The following FOXP1 variants were observed in gnomAD, a reference collection of about 807,000 sequenced individuals.
The protein encoded by FOXP1 is forkhead box P1.
A neutral mutation model predicts 98.2 loss-of-function variants in FOXP1; 15 were observed. The ratio of observed to expected loss-of-function variants is 0.15; its 90% CI spans 0.10 to 0.24. The LOEUF is 0.24. Among genes scored for constraint, FOXP1 ranks in the 10% least tolerant of loss-of-function variants. The probability of loss-of-function intolerance (pLI) is 1.00; values close to 1 mark genes in which losing one functional copy is unlikely to be tolerated. For synonymous variants in FOXP1, 371 were observed against 314.5 expected, an observed-to-expected ratio of 1.18 and a Z score of -1.90; for missense variants, 633 against 848.5, an observed-to-expected ratio of 0.75 and a Z score of 3.15.
In FOXP1 at chr3:71,183,612, T is replaced by C. The variant is rs146518667; in HGVS notation, c.180+14590A>G. Among the ~76,000 whole-genome samples, 409 of 152,332 alleles carry C rather than the reference T, an allele frequency of 2.7e-3. 2 individuals carry two copies. The highest frequency in any genetic ancestry group is 9.4e-3 in the African/African-American group (392 of 41,576). ...TTATTTAGACTATTAAATGCTAAAA[T>C]TATTTCCGTTTGATGGATATATAAA... On this transcript the variant is annotated intron_variant, in intron 6 of 20. Coordinates refer to ENST00000649528, the MANE Select transcript of FOXP1 (RefSeq NM_001349338.3).
chr3:70,959,014 C>A lies in FOXP1; in HGVS notation c.*233G>T. 2.0e-6 allele frequency: 1 copy of A among 504,588 alleles called. No individual in the cohort carries two copies. Among genetic ancestry groups the A allele is most frequent in the Non-Finnish European group, 3.6e-6 (1 of 278,810 alleles). 31.3% of individuals were successfully genotyped at this position (504,588 alleles called of 1,614,324 possible). A position where few individuals can be genotyped will look rare whatever the true frequency, so the allele number is the denominator to read the frequency against. ...ATCCCAAGTACCAAACAAGTCCATC[C>A]AATGCACAGAGTACAAATTCCTTTT... On this transcript the variant is annotated 3_prime_UTR_variant, in exon 21 of 21. Coordinates refer to ENST00000649528, the MANE Select transcript of FOXP1 (RefSeq NM_001349338.3).
Position 71,199,838 on chromosome 3 carries a change from G to A in FOXP1, c.-11-1446C>T, listed in dbSNP as rs187994891. Among the ~76,000 whole-genome samples, 216 of 152,126 alleles carry A rather than the reference G, an allele frequency of 1.4e-3. 1 individual carries two copies. Among genetic ancestry groups the A allele is most frequent in the African/African-American group, 4.8e-3 (199 of 41,520 alleles). On this transcript the variant is annotated intron_variant, in intron 5 of 20. Transcript: ENST00000649528. The stretch of plus-strand genomic sequence containing the variant: ...CACGCCTGTAATCCCAGGACTTTGG[G>A]AGGCCGAGGCGGGTGGATCACGAGG...
intron 3 of FOXP1, among the ~76,000 whole-genome samples, chr3:71,415,456 A>AG (rs1189334668): frequency 2.0e-5 from 3 of 152,244 alleles, no homozygotes; most frequent in Non-Finnish European, 2.9e-5. Flanking sequence ...CTTTGATGTG[A>AG]GAGCCAATAT....
intron 1 of FOXP1, 74 bp from the exon 2 acceptor site, chr3:71,581,771 G>A: frequency 1.0e-6 from 1 of 985,752 alleles, no homozygotes; most frequent in Non-Finnish European, 1.2e-6. Flanking sequence ...TGAAGGGGAC[G>A]GGACGGGTGA....
intron 3 of FOXP1, among the ~76,000 whole-genome samples, chr3:71,398,991 C>T (rs994710861): frequency 1.1e-4 from 16 of 152,112 alleles, no homozygotes; most frequent in Admixed American, 6.6e-4. Context: ...CTATTTTATT[C>T]CCCTATCTAC....
intron 14 of FOXP1, 102 bp downstream of exon 14, chr3:70,987,892 C>T (rs1387600525): frequency 4.7e-6 from 5 of 1,057,310 alleles, no homozygotes; most frequent in Non-Finnish European, 7.3e-6. Context: ...CTCAAAGCTC[C>T]ACCAAAGTAG....
intron 2 of FOXP1, among the ~76,000 whole-genome samples, chr3:71,578,430 G>A (rs1265210704): frequency 1.3e-5 from 2 of 152,178 alleles, no homozygotes; most frequent in Admixed American, 1.3e-4. Flanking sequence ...GCTATACCCT[G>A]TAAATATTCT....
intron 2 of FOXP1, chr3:71,573,578 A>G (rs2047505969): frequency 6.6e-6 from 1 of 152,212 alleles, no homozygotes; most frequent in Non-Finnish European, 1.5e-5. Flanking sequence ...GAACACATTT[A>G]AGCAGCTGAA....
rs886058851 is a variant in FOXP1 at position 70,958,216 on chromosome 3, A to AAAAG, written c.*1027_*1030dup. On this transcript the variant is annotated 3_prime_UTR_variant, in exon 21 of 21. Transcript: ENST00000649528. ...TGCTGCAAAAAAAAAAAAAGAAAAG[A>AAAAG]AAAGAAAAAAAGAAAATCCGAAACA... 6 of 472,142 alleles carry AAAAG rather than the reference A, an allele frequency of 1.3e-5. No individual in the cohort carries two copies. The highest frequency in any genetic ancestry group is 1.0e-4 in the African/African-American group (5 of 50,004). The allele number at this position is 472,142 out of a possible 1,614,324, so 29.2% of individuals were successfully genotyped here. A position where few individuals can be genotyped will look rare whatever the true frequency, so the allele number is the denominator to read the frequency against.
intron 3 of FOXP1, among the ~76,000 whole-genome samples, chr3:71,407,169 A>G (rs2082408592): frequency 6.6e-6 from 1 of 152,126 alleles, no homozygotes; most frequent in African/African-American, 2.4e-5. Flanking sequence ...AGAAGCCTGC[A>G]TCTAATTTTA....
intron 5 of FOXP1, among the ~76,000 whole-genome samples, chr3:71,279,525 A>G (rs2071287593): frequency 6.6e-6 from 1 of 152,188 alleles, no homozygotes. Context: ...CTCCCACAAG[A>G]AAAAACTAGT....
At chr3:71,262,264 C>CAAAAAAAAAAAAAAAA (rs71104433) in intron 5 of FOXP1, among the ~76,000 whole-genome samples, 4 of 25,698 alleles carry the variant, frequency 1.6e-4, no homozygotes, top group African/African-American at 2.7e-4. Flanking sequence ...GACTCTGTCA[C>CAAAAAAAAAAAAAAAA]AAAAAAAAAA....
At chr3:71,137,774 CTATTTATT>C (rs143247862) in intron 6 of FOXP1, among the ~76,000 whole-genome samples, 2 of 140,692 alleles carry the variant, frequency 1.4e-5, no homozygotes, top group African/African-American at 5.1e-5. Flanking sequence ...AAAGATAATT[CTATTTATT>C]TATTTATTTA....
At chr3:71,156,509 G>A (rs574017938) in intron 6 of FOXP1, among the ~76,000 whole-genome samples, 27 of 64,956 alleles carry the variant, frequency 4.2e-4, no homozygotes, top group Admixed American at 3.0e-3. Context: ...AGCCTGGGAG[G>A]GGGGGAAAAG....
Position 71,166,423 on chromosome 3 carries a change from T to C in FOXP1, c.180+31779A>G, listed in dbSNP as rs6783340. On this transcript the variant is annotated intron_variant, in intron 6 of 20. Coordinates refer to ENST00000649528, the MANE Select transcript of FOXP1 (RefSeq NM_001349338.3). ...AACTTTTCTTGAACTTTCTGTGTAATTAAACACCAAATTTGGCAACCCATG... is the reference window on the plus strand; with the variant it reads ...AACTTTTCTTGAACTTTCTGTGTAACTAAACACCAAATTTGGCAACCCATG... Among the ~76,000 whole-genome samples, 853 of 152,354 alleles carry C rather than the reference T, an allele frequency of 5.6e-3. 10 individuals carry two copies. Among genetic ancestry groups the C allele is most frequent in the African/African-American group, 0.02 (814 of 41,584 alleles).
At chr3:71,442,565 C>T (rs2086038379) in intron 3 of FOXP1, among the ~76,000 whole-genome samples, 1 of 152,180 alleles carries the variant, frequency 6.6e-6, no homozygotes, top group South Asian at 2.1e-4. Context: ...GCACGGAGGT[C>T]CTCTCTGTCG....
intron 2 of FOXP1, among the ~76,000 whole-genome samples, chr3:71,534,287 T>TG (rs1291047591): frequency 1.3e-5 from 2 of 152,006 alleles, no homozygotes; most frequent in African/African-American, 4.8e-5. Context: ...CGCTTGGACC[T>TG]GGGGGGGTGG....
chr3:71,463,354 C>CAAAAA (rs60302484), intron 3 of FOXP1, among the ~76,000 whole-genome samples: 2 of 65,374 alleles, frequency 3.1e-5, no homozygotes, highest in Admixed American at 2.1e-4. Flanking sequence ...GACACTGTCT[C>CAAAAA]AAAAAAAAAA....
intron 6 of FOXP1, among the ~76,000 whole-genome samples, chr3:71,115,003 T>C (rs2058248862): frequency 6.6e-6 from 1 of 152,218 alleles, no homozygotes; most frequent in Non-Finnish European, 1.5e-5. Context: ...TTCCCTTAGC[T>C]ATTGCACATG....
Sources: gnomAD v4.1 joint callset for allele counts (sites outside exome capture counted in the v4.1 genomes callset) on GRCh38, gnomAD v4.1.1 for gene constraint, MANE v1.5 for transcripts, NCBI Gene and HGNC (gene_info 2026-07-23, HGNC 2026-07-21) for gene names.